The following SLC7A11 variants were observed in gnomAD, a reference collection of about 807,000 sequenced individuals.
SLC7A11 encodes the protein cystine/glutamate transporter.
Under a neutral mutation model 54.5 loss-of-function variants are expected in SLC7A11, and 35 were observed. That is an observed-to-expected ratio of 0.64 (90% CI 0.49 to 0.85). The LOEUF (loss-of-function observed/expected upper bound fraction) is 0.85, where lower values mean the gene tolerates loss of function less well. Among genes scored for constraint, SLC7A11 ranks in the 40% least tolerant of loss-of-function variants. The probability of loss-of-function intolerance (pLI) is 0.00; values close to 1 mark genes in which losing one functional copy is unlikely to be tolerated. For synonymous variants in SLC7A11, 230 were observed against 225.2 expected, an observed-to-expected ratio of 1.02 and a Z score of -0.19; for missense variants, 583 against 618.1, an observed-to-expected ratio of 0.94 and a Z score of 0.60.
chr4:138,185,395 C>CA (rs1375332266), intron 6 of SLC7A11, 151 bp from the exon 7 acceptor site: 5 of 811,320 alleles, frequency 6.2e-6, no homozygotes, highest in Non-Finnish European at 7.7e-6. Context: ...TTCATCAGGG[C>CA]AAAAAACCAC....
chr4:138,192,803 C>A (rs1737042035), intron 6 of SLC7A11, among the ~76,000 whole-genome samples: 1 of 151,982 alleles, frequency 6.6e-6, no homozygotes, highest in Non-Finnish European at 1.5e-5. Flanking sequence ...AAGATAGACC[C>A]CATTGTTTGC....
At chr4:138,238,714 G>A (rs532998360) in intron 1 of SLC7A11, among the ~76,000 whole-genome samples, 4 of 151,650 alleles carry the variant, frequency 2.6e-5, no homozygotes, top group Admixed American at 1.3e-4. Context: ...ATCCTTCCAC[G>A]TCAGCCTCCC....
chr4:138,189,223 TTG>T (rs1239513550), intron 6 of SLC7A11, among the ~76,000 whole-genome samples: 1 of 152,160 alleles, frequency 6.6e-6, no homozygotes, highest in African/African-American at 2.4e-5. Flanking sequence ...CAACTTATGT[TTG>T]TATAATCTAC....
intron 6 of SLC7A11, among the ~76,000 whole-genome samples, chr4:138,198,219 A>G (rs1213570332): frequency 3.3e-5 from 5 of 151,978 alleles, no homozygotes; most frequent in African/African-American, 4.8e-5. Context: ...TCATAATAGC[A>G]ATACAGAAAT....
At chr4:138,215,373 T>G (rs1314529402) in intron 5 of SLC7A11, among the ~76,000 whole-genome samples, 2 of 152,178 alleles carry the variant, frequency 1.3e-5, no homozygotes, top group African/African-American at 4.8e-5. Context: ...GGCTGGAATA[T>G]AAGTCCATCA....
At position 138,214,567 on chromosome 4, in the gene SLC7A11, G is replaced by C. The variant is rs573480755; in HGVS notation, c.791+18C>G. ...TTTTATTCTTCATAAAAATTTCAGG[G>C]TACATCTGGCTACTTACTTTTCAGG... On this transcript the variant is annotated intron_variant, in intron 6 of 11. Coordinates refer to ENST00000280612, the MANE Select transcript of SLC7A11 (RefSeq NM_014331.4). The C allele has an allele frequency of 2.3e-4, 323 of 1,430,282 alleles. 2 individuals are homozygous for C. In the South Asian group the frequency reaches 4.2e-3, roughly 18 times the overall value. 88.6% of individuals were successfully genotyped at this position (1,430,282 alleles called of 1,614,324 possible).
At position 138,164,197 on chromosome 4, in the gene SLC7A11, G is replaced by A. The variant is rs939737451; in HGVS notation, c.*7759C>T. On this transcript the variant is annotated 3_prime_UTR_variant, in exon 12 of 12. Coordinates refer to ENST00000280612, the MANE Select transcript of SLC7A11 (RefSeq NM_014331.4). ...TAAAATGGTTGAAGCAACTAGAAGCGTGACAGGTATAATACATATAAATAC... is the reference window on the plus strand; with the variant it reads ...TAAAATGGTTGAAGCAACTAGAAGCATGACAGGTATAATACATATAAATAC... 2.0e-5 allele frequency: 3 copies of A among 152,372 alleles called. No homozygotes were observed. The highest frequency in any genetic ancestry group is 1.9e-4 in the East Asian group (1 of 5,198). The allele number at this position is 152,372 out of a possible 1,614,324, so 9.4% of individuals were successfully genotyped here. A position where few individuals can be genotyped will look rare whatever the true frequency, so the allele number is the denominator to read the frequency against.
intron 5 of SLC7A11, among the ~76,000 whole-genome samples, chr4:138,218,845 G>A (rs530458428): frequency 1.3e-4 from 20 of 152,104 alleles, no homozygotes; most frequent in South Asian, 2.1e-4. Context: ...CTTCTCTCAC[G>A]AGAAGCTGGA....
intron 2 of SLC7A11, among the ~76,000 whole-genome samples, chr4:138,233,087 T>C (rs1369614644): frequency 1.3e-5 from 2 of 152,132 alleles, no homozygotes; most frequent in Non-Finnish European, 2.9e-5. Flanking sequence ...TCTTCAAATA[T>C]TTTTATGAGA....
intron 8 of SLC7A11, 90 bp downstream of exon 8, chr4:138,183,112 G>T: frequency 1.2e-6 from 1 of 858,856 alleles, no homozygotes; most frequent in Non-Finnish European, 1.9e-6. Context: ...CAGGTTTGGA[G>T]GCACTATTTC....
intron 3 of SLC7A11, among the ~76,000 whole-genome samples, chr4:138,226,817 T>G (rs1211778423): frequency 2.0e-5 from 3 of 152,360 alleles, no homozygotes; most frequent in Middle Eastern, 3.4e-3. Flanking sequence ...TTACTTCCTT[T>G]GAATAACAAT....
In SLC7A11 at chr4:138,170,297, C is replaced by G. The variant is rs200122318; in HGVS notation, c.*1659G>C. 1 of 74,876 alleles carries G rather than the reference C, an allele frequency of 1.3e-5. No individual in the cohort carries two copies. Among genetic ancestry groups the G allele is most frequent in the Non-Finnish European group, 2.7e-5 (1 of 36,724 alleles). 4.6% of individuals were successfully genotyped at this position (74,876 alleles called of 1,614,324 possible). Reference sequence around the variant, plus strand: ...ACACACACACACACACACACACATACACACACATATATATATATATATAAT... The same window carrying G: ...ACACACACACACACACACACACATAGACACACATATATATATATATATAAT... On this transcript the variant is annotated 3_prime_UTR_variant, in exon 12 of 12. Transcript: ENST00000280612.
chr4:138,167,823 A>G lies in SLC7A11; in HGVS notation c.*4133T>C, dbSNP rs1367072565. ...CAAGAATATATTCAAGTAAAATAAAATGTCTTTCATGGGCATTCAAATCCC... is the reference window on the plus strand; with the variant it reads ...CAAGAATATATTCAAGTAAAATAAAGTGTCTTTCATGGGCATTCAAATCCC... On this transcript the variant is annotated 3_prime_UTR_variant, in exon 12 of 12. Transcript: ENST00000280612. The G allele has an allele frequency of 6.6e-6, 1 of 152,144 alleles. No homozygotes were observed. Among genetic ancestry groups the G allele is most frequent in the Non-Finnish European group, 1.5e-5 (1 of 68,024 alleles). The allele number at this position is 152,144 out of a possible 1,614,324, so 9.4% of individuals were successfully genotyped here. A position where few individuals can be genotyped will look rare whatever the true frequency, so the allele number is the denominator to read the frequency against.
chr4:138,180,789 T>G lies in SLC7A11; in HGVS notation c.1118A>C (p.His373Pro). 1 of 1,609,950 alleles carries G rather than the reference T, an allele frequency of 6.2e-7. No homozygotes were observed. Residue 373 changes from histidine to proline, a missense_variant and splice_region_variant, in exon 10 of 12, where the codon CAC becomes CCC. His to Pro is a moderately conservative substitution (Grantham distance 77). Coordinates refer to ENST00000280612, the MANE Select transcript of SLC7A11 (RefSeq NM_014331.4). ...HTPLPAVIVL[H>P]PLTMIMLFSG... ...GAAGAGCATTATCATTGTCAAAGGGTGCTGAGGGGGGAAAGGGAAGCAAGC... is the reference window on the plus strand; with the variant it reads ...GAAGAGCATTATCATTGTCAAAGGGGGCTGAGGGGGGAAAGGGAAGCAAGC...
chr4:138,216,176 T>C (rs1737676507), intron 5 of SLC7A11, among the ~76,000 whole-genome samples: 1 of 152,216 alleles, frequency 6.6e-6, no homozygotes, highest in Admixed American at 6.5e-5. Flanking sequence ...TTTCCATGAT[T>C]GTGCATAAAA....
rs746604938 is a variant in SLC7A11 at position 138,219,293 on chromosome 4, T to C, written c.719A>G (p.Tyr240Cys). The change falls in exon 5 of 12, where the codon TAT (tyrosine) becomes TGT (cysteine). Residue 240 changes from tyrosine to cysteine, a missense_variant. Coordinates refer to ENST00000280612, the MANE Select transcript of SLC7A11 (RefSeq NM_014331.4). Reference sequence around the variant, plus strand: ...GCCAGCATATGCATACATTCCATAATAAAAAGCCAGTGGCAACCGCGTAAT... The same window carrying C: ...GCCAGCATATGCATACATTCCATAACAAAAAGCCAGTGGCAACCGCGTAAT... ...SSITRLPLAF[Y>C]YGMYAYAGWF... 3.1e-6 allele frequency: 5 copies of C among 1,608,762 alleles called. No individual in the cohort carries two copies. Among genetic ancestry groups the C allele is most frequent in the Non-Finnish European group, 3.4e-6 (4 of 1,175,248 alleles).
At chr4:138,225,162 AT>A (rs1737916328) in intron 3 of SLC7A11, among the ~76,000 whole-genome samples, 3 of 145,788 alleles carry the variant, frequency 2.1e-5, no homozygotes, top group African/African-American at 5.0e-5. Context: ...ATATATATAT[AT>A]ATATATATAA....
At chr4:138,175,450 A>T (rs1736545390) in intron 11 of SLC7A11, among the ~76,000 whole-genome samples, 1 of 152,112 alleles carries the variant, frequency 6.6e-6, no homozygotes, top group Non-Finnish European at 1.5e-5. Context: ...GTCCTGGCCC[A>T]GGTTTGCCAG....
intron 6 of SLC7A11, among the ~76,000 whole-genome samples, chr4:138,212,676 GTTGAGGT>G (rs1737579736): frequency 6.6e-6 from 1 of 151,800 alleles, no homozygotes; most frequent in East Asian, 1.9e-4. Flanking sequence ...AGAAATTTGG[GTTGAGGT>G]AATAACGGCA....
Sources: allele counts gnomAD v4.1 joint callset (sites outside exome capture counted in the v4.1 genomes callset), GRCh38; gene constraint gnomAD v4.1.1; transcripts MANE v1.5; gene names NCBI Gene and HGNC (gene_info 2026-07-23, HGNC 2026-07-21).